CD38: variants seen among roughly 807,000 people sequenced by gnomAD.
CD38 encodes CD38 molecule, also known as ADP-ribosyl cyclase/cyclic ADP-ribose hydrolase 1.
CD38 carries 31 observed loss-of-function variants against 36.3 expected under a neutral mutation model. The observed-to-expected ratio is 0.85, with a 90% CI of 0.64 to 1.15. The LOEUF is 1.15. Among genes scored for constraint, CD38 ranks in the 50% most tolerant of loss-of-function variants. CD38 has a pLI of 0.00. For synonymous variants in CD38, 131 were observed against 135.2 expected (o/e 0.97, Z 0.22); for missense variants, 380 against 371.9 (o/e 1.02, Z -0.18).
chr4:15,851,300 C>T lies in CD38; in HGVS notation c.*2698C>T, dbSNP rs976106110. 6.6e-6 allele frequency: 1 copy of T among 152,180 alleles called. No individual in the cohort carries two copies. The highest frequency in any genetic ancestry group is 1.5e-5 in the Non-Finnish European group (1 of 68,040). The allele number at this position is 152,180 out of a possible 1,614,324, so 9.4% of individuals were successfully genotyped here. On this transcript the variant is annotated 3_prime_UTR_variant, in exon 8 of 8. Transcript: ENST00000226279. Reference sequence around the variant, plus strand: ...ACCTACATGTATAAATACCCCCTCACAATATATATTACTTTTCCTATAAGT... The same window carrying T: ...ACCTACATGTATAAATACCCCCTCATAATATATATTACTTTTCCTATAAGT...
Position 15,852,601 on chromosome 4 carries a change from T to A in CD38, c.*3999T>A, listed in dbSNP as rs1724412094. 6.6e-6 allele frequency: 1 copy of A among 152,208 alleles called. No homozygotes were observed. Among genetic ancestry groups the A allele is most frequent in the African/African-American group, 2.4e-5 (1 of 41,448 alleles). 9.4% of individuals were successfully genotyped at this position (152,208 alleles called of 1,614,324 possible). Reference sequence around the variant, plus strand: ...TATCAACACATTGCTAATCCAGATATTTTCCCGCAGTTTTTCTTTGAATAA... The same window carrying A: ...TATCAACACATTGCTAATCCAGATAATTTCCCGCAGTTTTTCTTTGAATAA... On this transcript the variant is annotated 3_prime_UTR_variant, in exon 8 of 8. Transcript: ENST00000226279.
intron 1 of CD38, among the ~76,000 whole-genome samples, chr4:15,812,053 C>T (rs1382163282): frequency 1.3e-5 from 2 of 152,154 alleles, no homozygotes; most frequent in African/African-American, 2.4e-5. Flanking sequence ...TTCTTTTCTG[C>T]ATTGCTTCGG....
At chr4:15,779,418 G>C (rs1722637784) in intron 1 of CD38, among the ~76,000 whole-genome samples, 1 of 152,136 alleles carries the variant, frequency 6.6e-6, no homozygotes, top group African/African-American at 2.4e-5. Flanking sequence ...CTCCTAAAGG[G>C]AACAACCACT....
chr4:15,788,396 C>A (rs1265577549), intron 1 of CD38, among the ~76,000 whole-genome samples: 1 of 152,066 alleles, frequency 6.6e-6, no homozygotes, highest in Non-Finnish European at 1.5e-5. Flanking sequence ...ACGTTATCCG[C>A]CCCCAGGAAG....
intron 2 of CD38, 62 bp from the exon 3 acceptor site, chr4:15,824,819 G>C: frequency 7.4e-7 from 1 of 1,354,982 alleles, no homozygotes. Context: ...CAAAACTGTG[G>C]ATTAATTTTT....
intron 4 of CD38, among the ~76,000 whole-genome samples, chr4:15,836,247 T>G (rs1327481613): frequency 6.6e-6 from 1 of 152,188 alleles, no homozygotes; most frequent in Non-Finnish European, 1.5e-5. Flanking sequence ...TGGTGAGGGC[T>G]GCTGTCTGCT....
chr4:15,796,622 C>A (rs748248639), intron 1 of CD38, among the ~76,000 whole-genome samples: 3 of 151,988 alleles, frequency 2.0e-5, no homozygotes, highest in Non-Finnish European at 4.4e-5. Flanking sequence ...CAAATAAAAT[C>A]GAAATACTCT....
intron 1 of CD38, among the ~76,000 whole-genome samples, chr4:15,812,954 T>C (rs1395616611): frequency 6.6e-6 from 1 of 152,212 alleles, no homozygotes; most frequent in Non-Finnish European, 1.5e-5. Flanking sequence ...TTGATTTTTG[T>C]ACACTGATTT....
chr4:15,838,727 G>A (rs1417505343), intron 5 of CD38, among the ~76,000 whole-genome samples: 7 of 152,150 alleles, frequency 4.6e-5, no homozygotes, highest in African/African-American at 7.2e-5. Context: ...AGGTACTGGC[G>A]GTCATTACAT....
At chr4:15,811,752 G>T (rs1273203293) in intron 1 of CD38, among the ~76,000 whole-genome samples, 1 of 152,198 alleles carries the variant, frequency 6.6e-6, no homozygotes, top group Non-Finnish European at 1.5e-5. Context: ...GAAACAGGAT[G>T]CAAAGCTCAA....
At chr4:15,791,821 C>G (rs1327709931) in intron 1 of CD38, among the ~76,000 whole-genome samples, 1 of 90,944 alleles carries the variant, frequency 1.1e-5, no homozygotes, top group Non-Finnish European at 2.0e-5. Context: ...GCCCCCCGCC[C>G]GGCCAGCCGC....
intron 1 of CD38, among the ~76,000 whole-genome samples, chr4:15,793,096 C>G (rs1376666531): frequency 6.6e-6 from 1 of 152,074 alleles, no homozygotes; most frequent in African/African-American, 2.4e-5. Flanking sequence ...TGACTGACAG[C>G]TTGGCCAATC....
chr4:15,814,248 T>C (rs1723534420), intron 1 of CD38, among the ~76,000 whole-genome samples: 1 of 152,238 alleles, frequency 6.6e-6, no homozygotes, highest in Non-Finnish European at 1.5e-5. Context: ...AATGTCTTCT[T>C]TTGAGAAGCA....
chr4:15,824,689 C>T (rs533105625), intron 2 of CD38, among the ~76,000 whole-genome samples, 192 bp from the exon 3 acceptor site: 1 of 152,142 alleles, frequency 6.6e-6, no homozygotes, highest in South Asian at 2.1e-4. Context: ...AGAACACACA[C>T]ACACACACAC....
intron 1 of CD38, among the ~76,000 whole-genome samples, chr4:15,800,726 T>C (rs1723202717): frequency 6.6e-6 from 1 of 151,958 alleles, no homozygotes. Context: ...TTACTGAAAA[T>C]GATGAAAACA....
intron 1 of CD38, among the ~76,000 whole-genome samples, chr4:15,811,696 G>A (rs1407548792): frequency 6.6e-6 from 1 of 152,116 alleles, no homozygotes; most frequent in African/African-American, 2.4e-5. Flanking sequence ...TTATGGAACT[G>A]GTTTTTGAGA....
chr4:15,805,934 G>A (rs758566549), intron 1 of CD38, among the ~76,000 whole-genome samples: 1 of 152,182 alleles, frequency 6.6e-6, no homozygotes, highest in African/African-American at 2.4e-5. Flanking sequence ...TTTAAAGGAC[G>A]AGTGTAATTA....
At chr4:15,823,934 A>C (rs1046772382) in intron 2 of CD38, among the ~76,000 whole-genome samples, 2 of 152,260 alleles carry the variant, frequency 1.3e-5, no homozygotes, top group African/African-American at 4.8e-5. Context: ...TGGATAAAGA[A>C]AATGTGGTAC....
rs536419359 is a variant in CD38 at position 15,785,647 on chromosome 4, G to C, written c.233+7000G>C. On this transcript the variant is annotated intron_variant, in intron 1 of 7. Coordinates refer to ENST00000226279, the MANE Select transcript of CD38 (RefSeq NM_001775.4). ...GCCAAATGTCAGTTTAGATATTTTG[G>C]AGGGAAAAAAGTTGGGAATCAATGT... Among the ~76,000 whole-genome samples, 5 of 152,038 alleles carry C rather than the reference G, an allele frequency of 3.3e-5. No individual in the cohort carries two copies. The South Asian group carries it at 1.0e-3, about 32-fold the overall frequency.
Sources: allele counts gnomAD v4.1 joint callset (sites outside exome capture counted in the v4.1 genomes callset), GRCh38; gene constraint gnomAD v4.1.1; transcripts MANE v1.5; gene names NCBI Gene and HGNC (gene_info 2026-07-23, HGNC 2026-07-21).